ATXN3: variants seen among roughly 807,000 people sequenced by gnomAD.
The protein encoded by ATXN3 is ataxin-3.
Under a neutral mutation model 58.2 loss-of-function variants are expected in ATXN3, and 28 were observed. The ratio of observed to expected loss-of-function variants is 0.48; its 90% CI spans 0.36 to 0.66. ATXN3 has a LOEUF of 0.66. Ranked by LOEUF, ATXN3 falls within the 30% of genes least tolerant of loss-of-function variation. The probability of loss-of-function intolerance (pLI) is 0.00; values close to 1 mark genes in which losing one functional copy is unlikely to be tolerated. For missense variants in ATXN3, 321 were observed against 422.1 expected (o/e 0.76, Z 2.10); for synonymous variants, 113 against 138.5 (o/e 0.82, Z 1.29).
intron 1 of ATXN3, chr14:92,048,126 G>T (rs2057435209): frequency 6.6e-6 from 1 of 152,298 alleles, no homozygotes; most frequent in Non-Finnish European, 1.5e-5. Flanking sequence ...GGAATCCTGG[G>T]CTGGGGGCAT....
intron 2 of ATXN3, 170 bp downstream of exon 2, chr14:92,096,504 A>G (rs1022127038): frequency 1.7e-5 from 13 of 778,530 alleles, no homozygotes; most frequent in South Asian, 9.3e-5. Context: ...TGTGCCTGTA[A>G]TCCCAGCTAC....
chr14:92,091,001 C>G (rs8013669), intron 5 of ATXN3, among the ~76,000 whole-genome samples: 41,059 of 137,564 alleles, frequency 0.3, 6,122 homozygotes, highest in East Asian at 0.45. Flanking sequence ...GGCCAAGCTG[C>G]TCTCAAGCTC....
At chr14:92,082,767 T>A (rs1254211835) in intron 7 of ATXN3, among the ~76,000 whole-genome samples, 1 of 151,546 alleles carries the variant, frequency 6.6e-6, no homozygotes, top group African/African-American at 2.4e-5. Flanking sequence ...CTTCTTCCTC[T>A]GCCTCCCAAG....
chr14:92,055,190 G>T (rs1418134780), downstream of ATXN3, among the ~76,000 whole-genome samples: 5 of 151,562 alleles, frequency 3.3e-5, no homozygotes, highest in Admixed American at 2.0e-4. The surrounding 1 kb of genome is among the most constrained non-coding windows in gnomAD (Gnocchi z 4.5). Context: ...AGGATTTTTT[G>T]TTTTTTTTAC....
In ATXN3 at chr14:92,064,167, G is replaced by A. The variant is rs116338117; in HGVS notation, c.*153C>T. On this transcript the variant is annotated 3_prime_UTR_variant, in exon 11 of 11. Transcript: ENST00000644486. ...AAGATCATTATTTAGTCCTACAACCGACGCATTGTTCCACTTTCCCATCAT... is the reference window on the plus strand; with the variant it reads ...AAGATCATTATTTAGTCCTACAACCAACGCATTGTTCCACTTTCCCATCAT... The A allele has an allele frequency of 3.2e-3, 1,649 of 522,582 alleles. 20 individuals are homozygous for A. The highest frequency in any genetic ancestry group is 0.028 in the African/African-American group (1,431 of 51,480). 32.4% of individuals were successfully genotyped at this position (522,582 alleles called of 1,614,324 possible).
intron 10 of ATXN3, among the ~76,000 whole-genome samples, chr14:92,069,047 G>T (rs79316375): frequency 2.7e-5 from 4 of 150,226 alleles, no homozygotes; most frequent in Non-Finnish European, 4.4e-5. Context: ...TAGGCAGTTT[G>T]TAATTTTGGG....
Position 92,081,954 on chromosome 14 carries a change from C to T in ATXN3, c.775+346G>A, listed in dbSNP as rs56232098. On this transcript the variant is annotated intron_variant, in intron 8 of 10. Transcript: ENST00000644486. Reference sequence around the variant, plus strand: ...GTAAAATCAGTTTATATTCCCTGTCCAGGCCCTTCCATAGTGTCTAATGGC... The same window carrying T: ...GTAAAATCAGTTTATATTCCCTGTCTAGGCCCTTCCATAGTGTCTAATGGC... 4.1e-3 allele frequency among the ~76,000 whole-genome samples: 618 copies of T among 152,310 alleles called. 8 individuals carry two copies. Among genetic ancestry groups the T allele is most frequent in the African/African-American group, 0.014 (574 of 41,564 alleles).
In ATXN3 at chr14:92,058,702, T is replaced by C. The variant is rs1176336368; in HGVS notation, c.*5618A>G. 1.3e-5 allele frequency: 2 copies of C among 152,288 alleles called. No homozygotes were observed. Among genetic ancestry groups the C allele is most frequent in the African/African-American group, 4.8e-5 (2 of 41,568 alleles). 9.4% of individuals were successfully genotyped at this position (152,288 alleles called of 1,614,324 possible). A position where few individuals can be genotyped will look rare whatever the true frequency, so the allele number is the denominator to read the frequency against. On this transcript the variant is annotated 3_prime_UTR_variant, in exon 11 of 11. Transcript: ENST00000644486. ...CAGACAGGAAGGCCTGTGTGTGTAA[T>C]AACAGCAAATGAACTTAACGAGGGA...
chr14:92,103,707 G>A (rs933137703), intron 1 of ATXN3, among the ~76,000 whole-genome samples: 2 of 152,362 alleles, frequency 1.3e-5, no homozygotes, highest in South Asian at 4.1e-4. Flanking sequence ...ATATCAGTGA[G>A]AAACTGTTTT....
intron 3 of ATXN3, among the ~76,000 whole-genome samples, chr14:92,094,356 C>G (rs563015172): frequency 6.6e-6 from 1 of 152,096 alleles, no homozygotes; most frequent in African/African-American, 2.4e-5. Flanking sequence ...TCCAGAAAAC[C>G]ACACAATTCC....
At chr14:92,074,570 A>G (rs974228473) in intron 9 of ATXN3, among the ~76,000 whole-genome samples, 1 of 152,208 alleles carries the variant, frequency 6.6e-6, no homozygotes, top group Admixed American at 6.6e-5. Flanking sequence ...CATTGTCCCA[A>G]CTGGGGCAGT....
In ATXN3 at chr14:92,058,675, A is replaced by G. The variant is rs2057531841; in HGVS notation, c.*5645T>C. 6.6e-6 allele frequency: 1 copy of G among 152,218 alleles called. No homozygotes were observed. Among genetic ancestry groups the G allele is most frequent in the African/African-American group, 2.4e-5 (1 of 41,460 alleles). The allele number at this position is 152,218 out of a possible 1,614,324, so 9.4% of individuals were successfully genotyped here. ...CTTTGGAAGCCCGGCTTTTCTAACG[A>G]CCAGACAGGAAGGCCTGTGTGTGTA... On this transcript the variant is annotated 3_prime_UTR_variant, in exon 11 of 11. Transcript: ENST00000644486.
chr14:92,071,189 G>A (rs1367970268), intron 9 of ATXN3, 136 bp from the exon 10 acceptor site: 1 of 1,300,604 alleles, frequency 7.7e-7, no homozygotes, highest in African/African-American at 1.5e-5. Flanking sequence ...GAATGCAAGA[G>A]CAGTTAGTCT....
At chr14:92,086,060 C>A (rs2062418466) in intron 6 of ATXN3, among the ~76,000 whole-genome samples, 1 of 151,982 alleles carries the variant, frequency 6.6e-6, no homozygotes, top group Non-Finnish European at 1.5e-5. Context: ...AACTACATAA[C>A]AAACCCAGCA....
intron 8 of ATXN3, 26 bp downstream of exon 8, chr14:92,082,274 T>C: frequency 6.2e-7 from 1 of 1,600,284 alleles, no homozygotes; most frequent in Non-Finnish European, 8.5e-7. Context: ...CAGCAATGAA[T>C]ACAACACACA....
intron 1 of ATXN3, among the ~76,000 whole-genome samples, chr14:92,106,035 CAAGACCCCAAAG>C (rs2068243567): frequency 6.6e-6 from 1 of 152,156 alleles, no homozygotes; most frequent in South Asian, 2.1e-4. Flanking sequence ...AAGACACGAA[CAAGACCCCAAAG>C]ATCTACGTGT....
downstream of ATXN3, among the ~76,000 whole-genome samples, chr14:92,054,581 C>T (rs983427169): frequency 2.0e-5 from 3 of 152,202 alleles, no homozygotes; most frequent in African/African-American, 7.2e-5. Context: ...CAAGAAATAA[C>T]CATAAAAATG....
chr14:92,071,119 A>G (rs959507300), intron 9 of ATXN3, 66 bp from the exon 10 acceptor site: 1 of 1,528,538 alleles, frequency 6.5e-7, no homozygotes, highest in African/African-American at 1.4e-5. Flanking sequence ...CACCATGAGA[A>G]AAACTATTCA....
intron 10 of ATXN3, chr14:92,070,597 A>G (rs2059249965): frequency 3.5e-6 from 2 of 565,898 alleles, no homozygotes; most frequent in East Asian, 3.7e-5. Context: ...AAAAATATCC[A>G]TGATGTCTAA....
Sources: gnomAD v4.1 joint callset for allele counts (sites outside exome capture counted in the v4.1 genomes callset) on GRCh38, gnomAD v4.1.1 for gene constraint, Gnocchi (gnomAD v3.1) non-coding constraint, MANE v1.5 for transcripts, NCBI Gene and HGNC (gene_info 2026-07-23, HGNC 2026-07-21) for gene names.